CNTN4: variants seen among roughly 807,000 people sequenced by gnomAD.
CNTN4 encodes the protein contactin-4.
CNTN4 carries 77 observed loss-of-function variants against 122.5 expected under a neutral mutation model. That is an observed-to-expected ratio of 0.63 (90% CI 0.52 to 0.76). The LOEUF (loss-of-function observed/expected upper bound fraction) is 0.76. CNTN4 is among the 30% of genes least tolerant of loss of function. The pLI is 0.00. For missense variants in CNTN4, 1,256 were observed against 1,259.1 expected (o/e 1.00, Z 0.04); for synonymous variants, 512 against 447.0 (o/e 1.15, Z -1.83).
chr3:3,007,508 C>T (rs1194855820), intron 14 of CNTN4, among the ~76,000 whole-genome samples: 1 of 152,234 alleles, frequency 6.6e-6, no homozygotes, highest in Non-Finnish European at 1.5e-5. Flanking sequence ...TCTATAATAT[C>T]TCACCCAAAG....
chr3:2,161,965 T>C (rs2035982837), intron 2 of CNTN4, among the ~76,000 whole-genome samples: 1 of 152,230 alleles, frequency 6.6e-6, no homozygotes, highest in African/African-American at 2.4e-5. Flanking sequence ...TTAGAATGTT[T>C]GCATCCCCAA....
chr3:2,988,496 G>C (rs760059851), intron 14 of CNTN4, 24 bp downstream of exon 14: 10 of 1,612,464 alleles, frequency 6.2e-6, no homozygotes, highest in African/African-American at 1.3e-5. Flanking sequence ...CAAAGAATTC[G>C]AATATTTATA....
intron 7 of CNTN4, among the ~76,000 whole-genome samples, chr3:2,840,298 G>A (rs577705275): frequency 1.3e-5 from 2 of 152,158 alleles, no homozygotes; most frequent in South Asian, 4.2e-4. Flanking sequence ...ATTTTAACCC[G>A]TTACCCACTG....
chr3:2,170,823 G>A (rs761930086), intron 2 of CNTN4, among the ~76,000 whole-genome samples: 2 of 151,952 alleles, frequency 1.3e-5, no homozygotes, highest in African/African-American at 2.4e-5. Flanking sequence ...AGAACAAACC[G>A]TAGTTATAAA....
intron 4 of CNTN4, among the ~76,000 whole-genome samples, chr3:2,572,941 G>A (rs2079490566): frequency 6.6e-6 from 1 of 152,082 alleles, no homozygotes; most frequent in Non-Finnish European, 1.5e-5. Context: ...TAAGCACGTG[G>A]TATCCTTTAT....
rs1346915976 is a variant in CNTN4 at position 2,483,589 on chromosome 3, AGGGACCCCTT to A, written c.-88-87822_-88-87813del. On this transcript the variant is annotated intron_variant, in intron 3 of 24. Coordinates refer to ENST00000418658, the MANE Select transcript of CNTN4 (RefSeq NM_175607.3). ...TCCCATAATTCCCATGTGTTGTGGA[AGGGACCCCTT>A]GGGAGGTAATTGATTCATGGGGGCC... 1.1e-4 allele frequency among the ~76,000 whole-genome samples: 16 copies of A among 152,286 alleles called. No homozygotes were observed. The East Asian group carries it at 2.9e-3, about 28-fold the overall frequency.
chr3:2,500,251 T>C (rs2076561243), intron 3 of CNTN4, among the ~76,000 whole-genome samples: 1 of 152,114 alleles, frequency 6.6e-6, no homozygotes, highest in Non-Finnish European at 1.5e-5. Flanking sequence ...CTGAGGCCCA[T>C]TAATTGCAGC....
At chr3:2,827,297 A>G (rs2093007203) in intron 7 of CNTN4, among the ~76,000 whole-genome samples, 1 of 152,188 alleles carries the variant, frequency 6.6e-6, no homozygotes, top group South Asian at 2.1e-4. Context: ...TATAATGCCA[A>G]CCAAATTGAA....
At chr3:2,101,811 A>G (rs1200266000) in intron 2 of CNTN4, among the ~76,000 whole-genome samples, 1 of 152,220 alleles carries the variant, frequency 6.6e-6, no homozygotes, top group African/African-American at 2.4e-5. Context: ...AGAAGGTCTC[A>G]TGTTGCTGTT....
chr3:2,225,205 C>T (rs1457245628), intron 2 of CNTN4, among the ~76,000 whole-genome samples: 2 of 150,412 alleles, frequency 1.3e-5, no homozygotes, highest in Non-Finnish European at 3.0e-5. Flanking sequence ...TAGTAATGCT[C>T]AGTGCAATTG....
intron 3 of CNTN4, among the ~76,000 whole-genome samples, chr3:2,452,421 G>A (rs17014543): frequency 0.21 from 32,061 of 152,006 alleles, 3,612 homozygotes; most frequent in South Asian, 0.26. Flanking sequence ...CATGCCTTCT[G>A]GTGGCTTTAG....
intron 2 of CNTN4, among the ~76,000 whole-genome samples, chr3:2,127,702 C>T (rs2034246482): frequency 6.6e-6 from 1 of 152,274 alleles, no homozygotes; most frequent in South Asian, 2.1e-4. Flanking sequence ...AATTTAGCTG[C>T]TCAGTACCAA....
chr3:2,144,556 G>A (rs2035154046), intron 2 of CNTN4, among the ~76,000 whole-genome samples: 1 of 152,098 alleles, frequency 6.6e-6, no homozygotes, highest in Non-Finnish European at 1.5e-5. Context: ...CATTGAGAGG[G>A]TTACATGTGA....
chr3:2,789,631 A>C (rs1306733924), intron 6 of CNTN4, among the ~76,000 whole-genome samples: 1 of 152,184 alleles, frequency 6.6e-6, no homozygotes, highest in African/African-American at 2.4e-5. Flanking sequence ...GAATTTCACC[A>C]TGTTGGCCAG....
At chr3:2,274,512 T>C (rs1388576442) in intron 2 of CNTN4, among the ~76,000 whole-genome samples, 1 of 97,852 alleles carries the variant, frequency 1.0e-5, no homozygotes, top group Non-Finnish European at 2.5e-5. Flanking sequence ...ACACTGTTCC[T>C]TATTTGCTTT....
At chr3:3,043,244 G>A in intron 22 of CNTN4, 81 bp downstream of exon 22, 1 of 1,324,288 alleles carries the variant, frequency 7.6e-7, no homozygotes, top group Non-Finnish European at 1.1e-6. Flanking sequence ...ACCTCCCAAT[G>A]ATCATTTGCA....
intron 14 of CNTN4, among the ~76,000 whole-genome samples, chr3:3,009,583 GC>G (rs1359644059): frequency 7.0e-5 from 6 of 86,018 alleles, no homozygotes; most frequent in Non-Finnish European, 1.3e-4. Flanking sequence ...ACAGGCGCCC[GC>G]CACCACGCCC....
At chr3:2,917,568 A>T (rs2094382660) in intron 12 of CNTN4, among the ~76,000 whole-genome samples, 1 of 152,200 alleles carries the variant, frequency 6.6e-6, no homozygotes, top group South Asian at 2.1e-4. Context: ...TTCAGTGGCA[A>T]AAAGTTGTGA....
chr3:2,492,349 T>G (rs949407716), intron 3 of CNTN4, among the ~76,000 whole-genome samples: 10 of 152,158 alleles, frequency 6.6e-5, no homozygotes, highest in Non-Finnish European at 1.3e-4. Context: ...GTCAGATTTT[T>G]GGGCTTAGTC....
Sources: allele counts gnomAD v4.1 joint callset (sites outside exome capture counted in the v4.1 genomes callset), GRCh38; gene constraint gnomAD v4.1.1; transcripts MANE v1.5; gene names NCBI Gene and HGNC (gene_info 2026-07-23, HGNC 2026-07-21).